MIS18A: variants seen among roughly 807,000 people sequenced by gnomAD.
MIS18A encodes MIS18 kinetochore protein A.
MIS18A carries 14 observed loss-of-function variants against 25.0 expected under a neutral mutation model. The observed-to-expected ratio is 0.56, with a 90% confidence interval of 0.37 to 0.88. MIS18A has a LOEUF of 0.88. Among genes scored for constraint, MIS18A ranks in the 40% least tolerant of loss-of-function variants. MIS18A has a pLI of 0.00. For synonymous variants in MIS18A, 134 were observed against 118.6 expected (o/e 1.13, Z -0.84); for missense variants, 292 against 290.8 (o/e 1.00, Z -0.03).
the MIS18A span, among the ~76,000 whole-genome samples, chr21:32,193,100 T>C: frequency 6.6e-6 from 1 of 152,214 alleles, no homozygotes; most frequent in South Asian, 2.1e-4. Flanking sequence ...TCATTTCATT[T>C]TGTTTTATTT....
chr21:32,189,148 C>T, the MIS18A span, among the ~76,000 whole-genome samples: 1 of 152,222 alleles, frequency 6.6e-6, no homozygotes, highest in South Asian at 2.1e-4. Flanking sequence ...GCCATGACTC[C>T]ATGTGCAGGT....
At chr21:32,249,873 A>G in the MIS18A span, among the ~76,000 whole-genome samples, 23 of 152,322 alleles carry the variant, frequency 1.5e-4, no homozygotes, top group African/African-American at 5.3e-4. Flanking sequence ...ATCGGGGGTC[A>G]CATAGCAACA....
chr21:32,231,236 GAA>G, the MIS18A span, among the ~76,000 whole-genome samples: 14 of 85,220 alleles, frequency 1.6e-4, no homozygotes, highest in Non-Finnish European at 1.7e-4. Flanking sequence ...ACCCTGTCTC[GAA>G]AAAAAAAAAA....
the MIS18A span, among the ~76,000 whole-genome samples, chr21:32,221,983 A>C: frequency 6.6e-6 from 1 of 152,186 alleles, no homozygotes; most frequent in African/African-American, 2.4e-5. Flanking sequence ...CCCAATTAAA[A>C]GACTCAGACT....
chr21:32,278,756 C>T lies in MIS18A; in HGVS notation c.259G>A (p.Gly87Ser), dbSNP rs1460604033. 1.1e-5 allele frequency: 18 copies of T among 1,578,116 alleles called. No individual in the cohort carries two copies. The highest frequency in any genetic ancestry group is 1.5e-5 in the Non-Finnish European group (18 of 1,167,930). ...GAGTCGCCCAGCGGCCGCCGGCAGC[C>T]GGAGCACAGGAACACCAGCGGCCTC... ...EERPLVFLCS[G>S]CRRPLGDSLS... Residue 87 changes from glycine (G) to serine (S), a missense_variant, in exon 1 of 5, where the codon GGC (glycine) becomes AGC (serine). Coordinates refer to ENST00000290130, the MANE Select transcript of MIS18A (RefSeq NM_018944.3).
At chr21:32,238,347 A>C in the MIS18A span, among the ~76,000 whole-genome samples, 1 of 152,174 alleles carries the variant, frequency 6.6e-6, no homozygotes. Context: ...TCATACTACA[A>C]GTCCAAGAAG....
At chr21:32,178,862 T>C in the MIS18A span, among the ~76,000 whole-genome samples, 1 of 152,150 alleles carries the variant, frequency 6.6e-6, no homozygotes, top group Admixed American at 6.5e-5. Flanking sequence ...CTGCCCTCTG[T>C]GTCTCTTATC....
intron 1 of MIS18A, among the ~76,000 whole-genome samples, chr21:32,277,001 A>G (rs867975198): frequency 1.3e-5 from 2 of 152,256 alleles, no homozygotes; most frequent in Non-Finnish European, 2.9e-5. Context: ...AGGCTGTTAT[A>G]GCTACAGAAC....
the MIS18A span, among the ~76,000 whole-genome samples, chr21:32,208,786 T>C: frequency 6.6e-6 from 1 of 152,216 alleles, no homozygotes; most frequent in African/African-American, 2.4e-5. Context: ...TGTCATCCTA[T>C]GTCACCTCCA....
At chr21:32,201,052 C>T in the MIS18A span, among the ~76,000 whole-genome samples, 3 of 152,044 alleles carry the variant, frequency 2.0e-5, no homozygotes, top group African/African-American at 7.2e-5. Flanking sequence ...GGAGACATGG[C>T]GCCAGCATCT....
At chr21:32,228,886 T>TGG in the MIS18A span, among the ~76,000 whole-genome samples, 1 of 152,194 alleles carries the variant, frequency 6.6e-6, no homozygotes, top group Admixed American at 6.5e-5. Flanking sequence ...AGACACAATG[T>TGG]GTTCATAGAT....
Position 32,268,795 on chromosome 21 carries a change from G to GTTT in MIS18A, c.*239_*241dup. 6 of 312,598 alleles carry GTTT rather than the reference G, an allele frequency of 1.9e-5. No homozygotes were observed. Among genetic ancestry groups the GTTT allele is most frequent in the Non-Finnish European group, 2.9e-5 (5 of 169,696 alleles). 19.4% of individuals were successfully genotyped at this position (312,598 alleles called of 1,614,324 possible). ...TATAGAAGTAATTCTACAATTTTGG[G>GTTT]TTTTTTTTTTGAGAGAAGGTCTCAC... On this transcript the variant is annotated 3_prime_UTR_variant, in exon 5 of 5. Coordinates refer to ENST00000290130, the MANE Select transcript of MIS18A (RefSeq NM_018944.3).
At position 32,274,858 on chromosome 21, in the gene MIS18A, G is replaced by A. The variant is rs2123469796; in HGVS notation, c.373C>T (p.Leu125=). Residue 125 remains leucine (L), a synonymous_variant, in exon 2 of 5, where the codon CTA becomes TTA. Transcript: ENST00000290130. ...CNVSVDKEQK[L]SKREKENGCV... ...CCATTTTCCTTTTCACGTTTGGATA[G>A]CTTCTGTTCCTTATCCACAGAAACA... is the stretch of plus-strand genomic sequence containing the variant. 1 of 1,612,732 alleles carries A rather than the reference G, an allele frequency of 6.2e-7. No homozygotes were observed. Among genetic ancestry groups the A allele is most frequent in the Non-Finnish European group, 8.5e-7 (1 of 1,179,088 alleles).
At chr21:32,273,184 C>G (rs988066663) in intron 2 of MIS18A, among the ~76,000 whole-genome samples, 1 of 151,056 alleles carries the variant, frequency 6.6e-6, no homozygotes, top group African/African-American at 2.4e-5. Flanking sequence ...GGACACAGAG[C>G]TTCCAAGACC....
At chr21:32,256,955 T>A in the MIS18A span, among the ~76,000 whole-genome samples, 1 of 152,156 alleles carries the variant, frequency 6.6e-6, no homozygotes, top group African/African-American at 2.4e-5. Flanking sequence ...TCACAGATTG[T>A]TTTCCCCCAC....
At chr21:32,173,955 G>GTT in the MIS18A span, among the ~76,000 whole-genome samples, 227 of 92,612 alleles carry the variant, frequency 2.5e-3, 16 homozygotes, top group African/African-American at 5.1e-3. Flanking sequence ...TACTTTTTAA[G>GTT]TTTTTTTTTT....
At chr21:32,155,934 A>G in the MIS18A span, among the ~76,000 whole-genome samples, 4 of 142,348 alleles carry the variant, frequency 2.8e-5, no homozygotes, top group Non-Finnish European at 4.6e-5. Flanking sequence ...TAAAATAACC[A>G]GTGTCACCAA....
the MIS18A span, among the ~76,000 whole-genome samples, chr21:32,236,937 G>C: frequency 6.6e-6 from 1 of 152,086 alleles, no homozygotes; most frequent in Non-Finnish European, 1.5e-5. Flanking sequence ...TGAGAGCAGT[G>C]ATACCTTCTT....
chr21:32,260,056 AAT>A, the MIS18A span: 1 of 143,788 alleles, frequency 7.0e-6, no homozygotes, highest in Non-Finnish European at 1.5e-5. Flanking sequence ...AGCAATTTTG[AAT>A]ACTTTGGTGG....
Sources: allele counts gnomAD v4.1 joint callset (sites outside exome capture counted in the v4.1 genomes callset), GRCh38; gene constraint gnomAD v4.1.1; transcripts MANE v1.5; gene names NCBI Gene and HGNC (gene_info 2026-07-23, HGNC 2026-07-21).